The following DIP2B variants were observed in gnomAD, a reference collection of about 807,000 sequenced individuals.
The protein encoded by DIP2B is disco-interacting protein 2 homolog B.
In DIP2B, 76 loss-of-function variants were observed where a neutral mutation model predicts 198.0. That is an observed-to-expected ratio of 0.38 (90% CI 0.32 to 0.46). The LOEUF (loss-of-function observed/expected upper bound fraction) is 0.46. Ranked by LOEUF, DIP2B falls within the 20% of genes least tolerant of loss-of-function variation. The pLI, the probability that DIP2B is intolerant of heterozygous loss-of-function variation, is 0.99. For missense variants in DIP2B, 1,559 were observed against 1,978.4 expected (o/e 0.79, Z 4.02); for synonymous variants, 701 against 739.1 (o/e 0.95, Z 0.84).
At chr12:50,688,063 T>A (rs994092960) in intron 12 of DIP2B, among the ~76,000 whole-genome samples, 2 of 151,830 alleles carry the variant, frequency 1.3e-5, no homozygotes, top group African/African-American at 4.8e-5. Context: ...ATAAAAAAAA[T>A]TAGCTGGGCA....
intron 23 of DIP2B, 41 bp downstream of exon 23, chr12:50,714,637 C>T (rs1423259632): frequency 6.2e-7 from 1 of 1,607,272 alleles, no homozygotes; most frequent in Admixed American, 1.7e-5. Context: ...AAAATTCCAA[C>T]TTCAAGAAGC....
chr12:50,511,581 C>T (rs1323048440), intron 1 of DIP2B, among the ~76,000 whole-genome samples: 1 of 151,878 alleles, frequency 6.6e-6, no homozygotes, highest in Non-Finnish European at 1.5e-5. Context: ...GCATGAGCCA[C>T]CAGGCCGGGC....
chr12:50,554,999 A>AC (rs57817684), intron 1 of DIP2B, among the ~76,000 whole-genome samples: 41,500 of 151,794 alleles, frequency 0.27, 5,991 homozygotes, highest in East Asian at 0.39. Flanking sequence ...TTGTCTCCTG[A>AC]CCTCATGATC....
chr12:50,547,216 A>G (rs756711362), intron 1 of DIP2B, among the ~76,000 whole-genome samples: 1 of 152,224 alleles, frequency 6.6e-6, no homozygotes, highest in Non-Finnish European at 1.5e-5. Context: ...TTCAGTTGGT[A>G]ATACAAATTA....
intron 32 of DIP2B, among the ~76,000 whole-genome samples, chr12:50,733,443 T>TTTG (rs1203562262): frequency 1.3e-5 from 2 of 152,058 alleles, no homozygotes; most frequent in East Asian, 3.8e-4. Context: ...ATCCCAACAC[T>TTTG]TTGTGAGGCC....
chr12:50,603,481 A>C (rs992833574), intron 1 of DIP2B, among the ~76,000 whole-genome samples: 1 of 151,900 alleles, frequency 6.6e-6, no homozygotes, highest in African/African-American at 2.4e-5. Context: ...GCTCATGCCT[A>C]TAATCCTAGC....
At chr12:50,664,969 C>G (rs1938725564) in intron 4 of DIP2B, among the ~76,000 whole-genome samples, 1 of 150,926 alleles carries the variant, frequency 6.6e-6, no homozygotes. Context: ...CCACCTCAGC[C>G]TCTCTAGTAG....
rs138641776 is a variant in DIP2B, at chr12:50,524,320, C to T, written c.100+19080C>T. On this transcript the variant is annotated intron_variant, in intron 1 of 37. Coordinates refer to ENST00000301180, the MANE Select transcript of DIP2B (RefSeq NM_173602.3). The stretch of plus-strand genomic sequence containing the variant: ...AGCAGGTAGAGAGCTTTTTAAACTG[C>T]AAATTAGGTCATATTACTTCCCCGC... Among the ~76,000 whole-genome samples the T allele has an allele frequency of 4.7e-3, 717 of 152,258 alleles. 8 individuals are homozygous for T. The highest frequency in any genetic ancestry group is 0.016 in the African/African-American group (678 of 41,544).
chr12:50,510,665 G>GTTTTT (rs1958006545), intron 1 of DIP2B, among the ~76,000 whole-genome samples: 1 of 105,864 alleles, frequency 9.4e-6, no homozygotes, highest in African/African-American at 3.6e-5. Context: ...TTTTTTTTGA[G>GTTTTT]ACGGAGTTTC....
intron 1 of DIP2B, among the ~76,000 whole-genome samples, chr12:50,535,351 A>G (rs1196090110): frequency 2.0e-5 from 3 of 151,424 alleles, no homozygotes; most frequent in Non-Finnish European, 2.9e-5. Context: ...CGATTGCTTG[A>G]GCCCAGGAAT....
intron 12 of DIP2B, among the ~76,000 whole-genome samples, chr12:50,690,370 G>A (rs1228555647): frequency 1.3e-5 from 2 of 152,186 alleles, no homozygotes; most frequent in African/African-American, 4.8e-5. Context: ...ACAGGCGTGA[G>A]CCACCGCACC....
At chr12:50,564,804 G>A (rs1188461673) in intron 1 of DIP2B, among the ~76,000 whole-genome samples, 4 of 152,044 alleles carry the variant, frequency 2.6e-5, no homozygotes, top group African/African-American at 9.7e-5. Flanking sequence ...TTTGATATAG[G>A]AAGTCCATAA....
intron 1 of DIP2B, among the ~76,000 whole-genome samples, chr12:50,565,002 G>A (rs925592493): frequency 6.6e-6 from 1 of 151,950 alleles, no homozygotes; most frequent in African/African-American, 2.4e-5. Flanking sequence ...ACTAGTTTGT[G>A]GTGCCACTAT....
chr12:50,511,072 A>C (rs1240102019), intron 1 of DIP2B, among the ~76,000 whole-genome samples: 1 of 151,456 alleles, frequency 6.6e-6, no homozygotes, highest in Non-Finnish European at 1.5e-5. Flanking sequence ...CAGCCTCCCA[A>C]GTAGCTGGGA....
chr12:50,562,454 G>T (rs1958527390), intron 1 of DIP2B, among the ~76,000 whole-genome samples: 3 of 151,988 alleles, frequency 2.0e-5, no homozygotes, highest in South Asian at 4.2e-4. Context: ...AAAAATTCTA[G>T]TCGGGCACGG....
At chr12:50,628,716 A>C (rs1480625136) in intron 2 of DIP2B, among the ~76,000 whole-genome samples, 1 of 152,196 alleles carries the variant, frequency 6.6e-6, no homozygotes, top group Admixed American at 6.5e-5. Flanking sequence ...GTTTCTAATC[A>C]AACTGCTCAG....
Position 50,692,933 on chromosome 12 carries a change from AT to A in DIP2B, c.1655-10del, listed in dbSNP as rs1305850376. On this transcript the variant is annotated splice_polypyrimidine_tract_variant and intron_variant, in intron 13 of 37. Transcript: ENST00000301180. ...CTAAAGATGATTTCTTTGTCTTCCTATTTTTTCTATTTTAGGGGAAACAATA... is the reference window on the plus strand; with the variant it reads ...CTAAAGATGATTTCTTTGTCTTCCTATTTTTCTATTTTAGGGGAAACAATA... 2 of 1,603,072 alleles carry A rather than the reference AT, an allele frequency of 1.2e-6. No homozygotes were observed. The highest frequency in any genetic ancestry group is 1.7e-6 in the Non-Finnish European group (2 of 1,176,694).
intron 1 of DIP2B, among the ~76,000 whole-genome samples, chr12:50,549,304 TAAAAATAC>T (rs1958405464): frequency 6.6e-6 from 1 of 151,922 alleles, no homozygotes; most frequent in Non-Finnish European, 1.5e-5. Context: ...CCGTCTCTAC[TAAAAATAC>T]AAAAATTAGA....
intron 12 of DIP2B, among the ~76,000 whole-genome samples, chr12:50,689,467 A>G (rs1427819477): frequency 1.3e-5 from 2 of 152,248 alleles, no homozygotes; most frequent in Non-Finnish European, 2.9e-5. Flanking sequence ...AGCTTCAGAC[A>G]GTAAGGAAAT....
Sources: allele counts gnomAD v4.1 joint callset (sites outside exome capture counted in the v4.1 genomes callset), GRCh38; gene constraint gnomAD v4.1.1; transcripts MANE v1.5; gene names NCBI Gene and HGNC (gene_info 2026-07-23, HGNC 2026-07-21).